The following SYNE1 variants were observed in gnomAD, a reference collection of about 807,000 sequenced individuals.
The protein encoded by SYNE1 is nesprin-1.
Under a neutral mutation model 1,111.0 loss-of-function variants are expected in SYNE1, and 616 were observed. That is an observed-to-expected ratio of 0.55 (90% CI 0.52 to 0.59). SYNE1 has a LOEUF of 0.59. Among genes scored for constraint, SYNE1 ranks in the 20% least tolerant of loss-of-function variants. The pLI, the probability that SYNE1 is intolerant of heterozygous loss-of-function variation, is 0.00. For missense variants in SYNE1, 10,006 were observed against 10,417.0 expected, an observed-to-expected ratio of 0.96 and a Z score of 1.72; for synonymous variants, 3,855 against 3,825.8, an observed-to-expected ratio of 1.01 and a Z score of -0.28.
chr6:152,164,349 T>C (rs775271727), intron 130 of SYNE1, 24 bp from the exon 131 acceptor site: 2 of 1,613,762 alleles, frequency 1.2e-6, no homozygotes, highest in East Asian at 4.5e-5. Flanking sequence ...AGGGGGAATG[T>C]CCCACTTCAG....
Position 152,419,431 on chromosome 6 carries a change from A to G in SYNE1, c.5421+138T>C, listed in dbSNP as rs760990154. ...ATTGCCTTAACTCATATGCTCAATTATTAAAACATTTTCATATAAATAAAA... is the reference window on the plus strand; with the variant it reads ...ATTGCCTTAACTCATATGCTCAATTGTTAAAACATTTTCATATAAATAAAA... On this transcript the variant is annotated intron_variant, in intron 40 of 145. Transcript: ENST00000367255. 1,134 of 963,044 alleles carry G rather than the reference A, an allele frequency of 1.2e-3. 1 individual carries two copies. Among genetic ancestry groups the G allele is most frequent in the Middle Eastern group, 2.0e-3 (6 of 3,064 alleles). The allele number at this position is 963,044 out of a possible 1,614,324, so 59.7% of individuals were successfully genotyped here.
At chr6:152,520,656 C>T (rs1038620482) in intron 5 of SYNE1, 114 bp from the exon 6 acceptor site, 106 of 1,153,582 alleles carry the variant, frequency 9.2e-5, no homozygotes, top group Middle Eastern at 2.0e-4. Context: ...CAAAAGCAAC[C>T]AACATTGTTC....
chr6:152,227,040 C>T (rs62428338), intron 115 of SYNE1, among the ~76,000 whole-genome samples: 1 of 152,108 alleles, frequency 6.6e-6, no homozygotes, highest in Non-Finnish European at 1.5e-5. Context: ...ATGATCCATA[C>T]ATGAGTAATA....
Position 152,139,861 on chromosome 6 carries a change from G to A in SYNE1, c.25458+89C>T, listed in dbSNP as rs1191073568. On this transcript the variant is annotated intron_variant, in intron 140 of 145. Transcript: ENST00000367255. ...AGATCCCTTTTCTGCTGCTGTGTAAGAGCAGCTCGAACTAGAGGTGCCATC... is the reference window on the plus strand; with the variant it reads ...AGATCCCTTTTCTGCTGCTGTGTAAAAGCAGCTCGAACTAGAGGTGCCATC... 3.6e-5 allele frequency: 50 copies of A among 1,378,670 alleles called. 1 individual carries two copies. The South Asian group carries it at 5.8e-4, about 16-fold the overall frequency. The allele number at this position is 1,378,670 out of a possible 1,614,324, so 85.4% of individuals were successfully genotyped here. A position where few individuals can be genotyped will look rare whatever the true frequency, so the allele number is the denominator to read the frequency against.
At position 152,321,813 on chromosome 6, in the gene SYNE1, G is replaced by C. The variant is rs1315461774; in HGVS notation, c.15991C>G (p.Gln5331Glu). 1.2e-6 allele frequency: 2 copies of C among 1,613,860 alleles called. No homozygotes were observed. The highest frequency in any genetic ancestry group is 2.2e-5 in the East Asian group (1 of 44,862). Residue 5331 changes from glutamine to glutamate, a missense_variant, in exon 83 of 146, where the codon CAG becomes GAG. Gln to Glu is a conservative substitution (Grantham distance 29). Around this residue, in one of 7 missense-constraint regions of SYNE1, gnomAD observed 4,955 missense variants for 5,017.2 expected, o/e 0.99. Coordinates refer to ENST00000367255, the MANE Select transcript of SYNE1 (RefSeq NM_182961.4). Reference protein sequence around the residue: ...ELKDREMVETQINSVKCWVQE... With the variant: ...ELKDREMVETEINSVKCWVQE... Reference sequence around the variant, plus strand: ...ACCCAACATTTCACAGAATTGATCTGAGTCTCCACCATTTCTCGGTCCTTC... The same window carrying C: ...ACCCAACATTTCACAGAATTGATCTCAGTCTCCACCATTTCTCGGTCCTTC...
At chr6:152,548,357 C>T (rs2099324709) in intron 3 of SYNE1, among the ~76,000 whole-genome samples, 1 of 152,134 alleles carries the variant, frequency 6.6e-6, no homozygotes, top group South Asian at 2.1e-4. Flanking sequence ...CATGCCTTGC[C>T]CCTGGACAAA....
At chr6:152,427,308 T>C (rs938667187) in intron 38 of SYNE1, among the ~76,000 whole-genome samples, 7 of 152,208 alleles carry the variant, frequency 4.6e-5, no homozygotes, top group Non-Finnish European at 1.0e-4. Context: ...AAACGTCATA[T>C]AATTACAAAA....
intron 6 of SYNE1, among the ~76,000 whole-genome samples, chr6:152,515,964 A>G (rs896328694): frequency 6.6e-6 from 1 of 152,264 alleles, no homozygotes; most frequent in African/African-American, 2.4e-5. Context: ...AAACTAAATA[A>G]GAATAAAAGG....
chr6:152,461,685 G>A lies in SYNE1; in HGVS notation c.2306C>T (p.Thr769Ile), dbSNP rs1422291785. 2 of 1,613,940 alleles carry A rather than the reference G, an allele frequency of 1.2e-6. No individual in the cohort carries two copies. The highest frequency in any genetic ancestry group is 2.2e-5 in the South Asian group (2 of 91,086). Residue 769 changes from threonine to isoleucine, a missense_variant, in exon 21 of 146, where the codon ACA becomes ATA. Physicochemically the swap from Thr to Ile is moderately conservative, Grantham distance 89 (BLOSUM62 -1). This residue lies in a region of SYNE1 where 1,971 missense variants were observed against 2,084.1 expected (regional missense o/e 0.95). Transcript: ENST00000367255. ...GCTTTCTTTGGTAATGAGGTGTGCT[G>A]TCTTTGTAATTATCTTGTATTGGGC... ...MDAQYKIITK[T>I]AHLITKESPQ... is the part of the protein sequence containing the mutation.
intron 56 of SYNE1, among the ~76,000 whole-genome samples, chr6:152,379,545 T>C (rs984272299): frequency 2.0e-5 from 3 of 152,216 alleles, no homozygotes; most frequent in Admixed American, 6.5e-5. Context: ...CTAGCATATT[T>C]ACTATTTTGT....
intron 127 of SYNE1, among the ~76,000 whole-genome samples, chr6:152,196,236 T>C (rs1009991199): frequency 3.9e-5 from 6 of 152,150 alleles, no homozygotes; most frequent in African/African-American, 1.4e-4. Context: ...AGTCCTGGAA[T>C]TGAGTACCCC....
intron 2 of SYNE1, 91 bp from the exon 3 acceptor site, chr6:152,628,645 G>C: frequency 3.0e-6 from 1 of 328,212 alleles, no homozygotes; most frequent in Non-Finnish European, 5.7e-6. Flanking sequence ...TATTTAATTT[G>C]AATGCCTGGT....
At chr6:152,130,696 G>T (rs775370224) in intron 145 of SYNE1, 24 bp downstream of exon 145, 1 of 1,613,666 alleles carries the variant, frequency 6.2e-7, no homozygotes, top group Non-Finnish European at 8.5e-7. Context: ...CTAGAACAGT[G>T]TGGAAACCAG....
At position 152,354,976 on chromosome 6, in the gene SYNE1, C is replaced by G. The variant is rs1027221706; in HGVS notation, c.10609G>C (p.Glu3537Gln). Residue 3537 changes from glutamate (E) to glutamine (Q), a missense_variant and splice_region_variant, in exon 67 of 146, where the codon GAG becomes CAG. Transcript: ENST00000367255. ...CCCTCTGCACAGTGTACCTGTAGCT[C>G]CTGCAGAGAAAAAGGTATGGCTGTC... ...THETTLRDLQELQVHCAEGQA... is the reference protein window; with the variant it reads ...THETTLRDLQQLQVHCAEGQA... 9.3e-6 allele frequency: 15 copies of G among 1,613,570 alleles called. No individual in the cohort carries two copies. The highest frequency in any genetic ancestry group is 1.2e-5 in the Non-Finnish European group (14 of 1,180,042).
At position 152,216,192 on chromosome 6, in the gene SYNE1, A is replaced by G. The variant is rs1018910145; in HGVS notation, c.22192-1132T>C. On this transcript the variant is annotated intron_variant, in intron 121 of 145. Coordinates refer to ENST00000367255, the MANE Select transcript of SYNE1 (RefSeq NM_182961.4). ...AATAAATCTCAAATATTGAAACCAA[A>G]ATATAACTGTTAAATGGCATAATGT... 9.2e-5 allele frequency among the ~76,000 whole-genome samples: 14 copies of G among 152,344 alleles called. No homozygotes were observed. In the East Asian group the frequency reaches 2.7e-3, roughly 29 times the overall value.
At chr6:152,595,746 A>C (rs1222129951) in intron 3 of SYNE1, among the ~76,000 whole-genome samples, 2 of 152,140 alleles carry the variant, frequency 1.3e-5, no homozygotes, top group Non-Finnish European at 2.9e-5. Flanking sequence ...TGGAAACTTT[A>C]CAGCAGCAGC....
At chr6:152,308,202 T>G (rs1289118318) in intron 91 of SYNE1, among the ~76,000 whole-genome samples, 1 of 152,134 alleles carries the variant, frequency 6.6e-6, no homozygotes, top group Non-Finnish European at 1.5e-5. Flanking sequence ...TGTGTTTTAG[T>G]GTATTAACTG....
intron 3 of SYNE1, among the ~76,000 whole-genome samples, chr6:152,595,240 C>T (rs1317410426): frequency 2.0e-5 from 3 of 152,178 alleles, no homozygotes; most frequent in African/African-American, 7.2e-5. Flanking sequence ...CACATATCCT[C>T]ACCCTTGAAC....
intron 106 of SYNE1, among the ~76,000 whole-genome samples, chr6:152,243,006 C>T (rs996523095): frequency 3.9e-5 from 6 of 151,910 alleles, no homozygotes; most frequent in Non-Finnish European, 7.4e-5. Context: ...AAAGATATGT[C>T]TATAAAAAAT....
Sources: allele counts gnomAD v4.1 joint callset (sites outside exome capture counted in the v4.1 genomes callset), GRCh38; gene constraint gnomAD v4.1.1; regional missense constraint gnomAD v4.1.1; transcripts MANE v1.5; gene names NCBI Gene and HGNC (gene_info 2026-07-23, HGNC 2026-07-21).